The following NPC1 variants were observed in gnomAD, a reference collection of about 807,000 sequenced individuals.
NPC1 encodes NPC intracellular cholesterol transporter 1.
In NPC1, 85 loss-of-function variants were observed where a neutral mutation model predicts 140.4. The ratio of observed to expected loss-of-function variants is 0.61; its 90% CI spans 0.51 to 0.72. The LOEUF (loss-of-function observed/expected upper bound fraction) is 0.72, where lower values mean the gene tolerates loss of function less well. Ranked by LOEUF, NPC1 falls within the 30% of genes least tolerant of loss-of-function variation. The probability of loss-of-function intolerance (pLI) is 0.00; values close to 1 mark genes in which losing one functional copy is unlikely to be tolerated. For synonymous variants in NPC1, 656 were observed against 624.8 expected, an observed-to-expected ratio of 1.05 and a Z score of -0.74; for missense variants, 1,504 against 1,623.8, an observed-to-expected ratio of 0.93 and a Z score of 1.27.
At chr18:23,518,423 G>A (rs538306801), downstream of NPC1, among the ~76,000 whole-genome samples, 44 of 152,278 alleles carry the variant, frequency 2.9e-4, no homozygotes, top group African/African-American at 1.0e-3. Flanking sequence ...AAGCCTAGGA[G>A]GTGGAGGTTG....
At chr18:23,580,937 A>G (rs1468967320) in intron 1 of NPC1, among the ~76,000 whole-genome samples, 1 of 152,258 alleles carries the variant, frequency 6.6e-6, no homozygotes, top group Non-Finnish European at 1.5e-5. Context: ...CCAACCTGGC[A>G]TGAACGTATC....
chr18:23,519,283 C>T, downstream of NPC1: 1 of 904,592 alleles, frequency 1.1e-6, no homozygotes, highest in Non-Finnish European at 1.7e-6. Context: ...TTTGGGAGGC[C>T]AAGGCGGACA....
rs148583874 is a variant in NPC1 at position 23,560,679 on chromosome 18, C to T, written c.632-199G>A. Among the ~76,000 whole-genome samples the T allele has an allele frequency of 5.8e-3, 888 of 152,268 alleles. 7 individuals are homozygous for T. The highest frequency in any genetic ancestry group is 0.02 in the African/African-American group (822 of 41,560). On this transcript the variant is annotated intron_variant, in intron 5 of 24. Coordinates refer to ENST00000269228, the MANE Select transcript of NPC1 (RefSeq NM_000271.5). ...TTTAAGTTACCTCAATAAACTTGCG[C>T]GTAGGGGTTTGTCACTGATAGAGGA... is the stretch of plus-strand genomic sequence containing the variant.
chr18:23,531,169 T>G (rs2058491376), downstream of NPC1, among the ~76,000 whole-genome samples: 1 of 152,074 alleles, frequency 6.6e-6, no homozygotes, highest in Admixed American at 6.5e-5. Flanking sequence ...TTTTGTATTT[T>G]TAGTAGAGAT....
At position 23,532,849 on chromosome 18, in the gene NPC1, T is replaced by C. The variant is rs1022477229; in HGVS notation, c.3754+506A>G. On this transcript the variant is annotated intron_variant, in intron 24 of 24. Transcript: ENST00000269228. ...CAAAGCTATAAATGAAGCAAATCAG[T>C]ATTGTTCTTTCAACCGTGGGTCATT... is the stretch of plus-strand genomic sequence containing the variant. The C allele has an allele frequency of 1.0e-5, 10 of 983,148 alleles. No homozygotes were observed. The East Asian group carries it at 1.0e-3, about 101-fold the overall frequency. The allele number at this position is 983,148 out of a possible 1,614,324, so 60.9% of individuals were successfully genotyped here.
chr18:23,578,262 T>G (rs1006029101), intron 1 of NPC1, among the ~76,000 whole-genome samples: 4 of 152,218 alleles, frequency 2.6e-5, no homozygotes, highest in African/African-American at 4.8e-5. Flanking sequence ...CTTTTACAGA[T>G]GCAGAAACGA....
Position 23,541,318 on chromosome 18 carries a change from A to G in NPC1, c.2361T>C (p.Ile787=). 1.2e-6 allele frequency: 2 copies of G among 1,614,262 alleles called. No homozygotes were observed. The highest frequency in any genetic ancestry group is 1.1e-5 in the South Asian group (1 of 91,088). Residue 787 remains isoleucine, a synonymous_variant, in exon 15 of 25, where the codon ATT becomes ATC. Coordinates refer to ENST00000269228, the MANE Select transcript of NPC1 (RefSeq NM_000271.5). ...GGCACCAACTTACCTCTTGACGTTT[A>G]ATGTCTAACCCCAAGAGACTCACGA... ...TCFVSLLGLD[I]KRQEKNRLDI... is the part of the protein sequence containing the mutation.
At chr18:23,533,125 T>C (rs2058564734) in intron 24 of NPC1, 4 of 616,668 alleles carry the variant, frequency 6.5e-6, no homozygotes, top group African/African-American at 5.6e-5. Context: ...AGCAGACAGA[T>C]CAGGCCTCCA....
At chr18:23,540,154 C>G (rs182584741) in intron 17 of NPC1, among the ~76,000 whole-genome samples, 153 bp from the exon 18 acceptor site, 6 of 152,188 alleles carry the variant, frequency 3.9e-5, no homozygotes, top group African/African-American at 9.7e-5. Context: ...AGTCTTCCCC[C>G]CAGGGCCCCA....
At chr18:23,544,731 T>A (rs993630031) in intron 12 of NPC1, among the ~76,000 whole-genome samples, 2 of 152,142 alleles carry the variant, frequency 1.3e-5, no homozygotes, top group African/African-American at 4.8e-5. Flanking sequence ...GGTGATGGAC[T>A]GGACAAATAA....
rs539730046 is a variant in NPC1 at position 23,581,210 on chromosome 18, C to CCAAAA, written c.57+5076_57+5077insTTTTG. ...TGCAGTTTTTTCCCTATGGAATGTTCACAGTGTGGTGACTGAATCAGGGGT... is the reference window on the plus strand; with the variant it reads ...TGCAGTTTTTTCCCTATGGAATGTTCCAAAAACAGTGTGGTGACTGAATCAGGGGT... On this transcript the variant is annotated intron_variant, in intron 1 of 24. Transcript: ENST00000269228. 1.6e-4 allele frequency among the ~76,000 whole-genome samples: 24 copies of CCAAAA among 152,294 alleles called. 1 individual carries two copies. In the South Asian group the frequency reaches 5.0e-3, roughly 32 times the overall value.
At chr18:23,518,926 T>C, downstream of NPC1, 3 of 1,614,192 alleles carry the variant, frequency 1.9e-6, no homozygotes, top group Non-Finnish European at 2.5e-6. Context: ...TGAGGCATCA[T>C]TCTCGGACCT....
At chr18:23,520,008 T>A (rs906745759), downstream of NPC1, among the ~76,000 whole-genome samples, 1 of 152,172 alleles carries the variant, frequency 6.6e-6, no homozygotes, top group African/African-American at 2.4e-5. Context: ...GAAATACTTG[T>A]GAGAGGAGAT....
intron 2 of NPC1, among the ~76,000 whole-genome samples, chr18:23,572,542 C>T (rs369456960): frequency 1.3e-5 from 2 of 152,044 alleles, no homozygotes; most frequent in African/African-American, 4.8e-5. Flanking sequence ...ATGATGAAAG[C>T]AGCAAGTGAG....
intron 21 of NPC1, 108 bp downstream of exon 21, chr18:23,536,565 G>T: frequency 4.3e-6 from 4 of 929,226 alleles, no homozygotes; most frequent in Non-Finnish European, 6.8e-6. Context: ...TGGAGCAGGG[G>T]CCAGAACCCA....
chr18:23,510,401 A>G (rs889033199), intron 3 of NPC1, among the ~76,000 whole-genome samples: 1 of 152,028 alleles, frequency 6.6e-6, no homozygotes, highest in African/African-American at 2.4e-5. Flanking sequence ...TAATCCCAGC[A>G]CTTTGGGAGA....
rs2059077924 is a variant in NPC1 at position 23,563,732 on chromosome 18, CT to C, written c.464-2206del. Among the ~76,000 whole-genome samples the C allele has an allele frequency of 5.3e-5, 8 of 151,988 alleles. No homozygotes were observed. The South Asian group carries it at 1.5e-3, about 28-fold the overall frequency. On this transcript the variant is annotated intron_variant, in intron 4 of 24. Transcript: ENST00000269228. ...CCAGCTGTTTTTGGTTTTTGGATTT[CT>C]TTTTAATAAAGGTTCCTATTTTCCA...
At position 23,524,031 on chromosome 18, in the gene NPC1, C is replaced by T. The variant is rs572334098; in HGVS notation, c.164-1125G>A. 173 of 1,279,874 alleles carry T rather than the reference C, an allele frequency of 1.4e-4. No individual in the cohort carries two copies. The African/African-American group carries it at 1.6e-3, about 12-fold the overall frequency. 79.3% of individuals were successfully genotyped at this position (1,279,874 alleles called of 1,614,324 possible). On this transcript the variant is annotated intron_variant, in intron 1 of 1. Coordinates refer to the NPC1 transcript ENST00000590723. The stretch of plus-strand genomic sequence containing the variant: ...CTTGACTACAATTGAATAAACATTT[C>T]GTAATGACATTAAAAAGTATTGACT...
chr18:23,553,498 C>T (rs1474641108), intron 9 of NPC1, among the ~76,000 whole-genome samples: 1 of 152,134 alleles, frequency 6.6e-6, no homozygotes, highest in Non-Finnish European at 1.5e-5. Context: ...CAGTAACAAA[C>T]AAACAGAACT....
Sources: gnomAD v4.1 joint callset for allele counts (sites outside exome capture counted in the v4.1 genomes callset) on GRCh38, gnomAD v4.1.1 for gene constraint, MANE v1.5 for transcripts, NCBI Gene and HGNC (gene_info 2026-07-23, HGNC 2026-07-21) for gene names.